CTNNA3: variants seen among roughly 807,000 people sequenced by gnomAD.
The protein encoded by CTNNA3 is catenin alpha-3.
Under a neutral mutation model 95.7 loss-of-function variants are expected in CTNNA3, and 76 were observed. The ratio of observed to expected loss-of-function variants is 0.79; its 90% CI spans 0.66 to 0.96. The LOEUF is 0.96. Ranked by LOEUF, CTNNA3 falls within the 40% of genes least tolerant of loss-of-function variation. The pLI is 0.00. For missense variants in CTNNA3, 1,191 were observed against 1,089.8 expected, an observed-to-expected ratio of 1.09 and a Z score of -1.31; for synonymous variants, 431 against 374.4, an observed-to-expected ratio of 1.15 and a Z score of -1.74.
At chr10:66,698,614 C>T (rs773932134) in intron 9 of CTNNA3, among the ~76,000 whole-genome samples, 2 of 152,088 alleles carry the variant, frequency 1.3e-5, no homozygotes, top group East Asian at 1.9e-4. Context: ...TAGAAGAAAT[C>T]GTCCAGAAAT....
chr10:66,388,884 T>G (rs1736292067), intron 11 of CTNNA3, among the ~76,000 whole-genome samples: 1 of 152,130 alleles, frequency 6.6e-6, no homozygotes, highest in Non-Finnish European at 1.5e-5. Flanking sequence ...ACTATTTGCA[T>G]GAAGCTCTAA....
chr10:66,494,800 G>A (rs937904626), intron 11 of CTNNA3, among the ~76,000 whole-genome samples: 2 of 152,178 alleles, frequency 1.3e-5, no homozygotes, highest in East Asian at 3.8e-4. Flanking sequence ...ACTCTGTTAT[G>A]CACTTTCACA....
chr10:67,453,852 T>C (rs1847077813), intron 5 of CTNNA3, among the ~76,000 whole-genome samples: 2 of 152,148 alleles, frequency 1.3e-5, no homozygotes, highest in South Asian at 4.1e-4. Flanking sequence ...ATCCCCTAAA[T>C]GCAAAAGTGA....
intron 7 of CTNNA3, among the ~76,000 whole-genome samples, chr10:66,806,323 C>T (rs1328893660): frequency 1.4e-5 from 2 of 144,176 alleles, no homozygotes; most frequent in African/African-American, 5.1e-5. Flanking sequence ...GGCAAAAATC[C>T]TAAGAGGTAG....
chr10:66,515,265 A>ATATCTATCTATCTATCTATC lies in CTNNA3; in HGVS notation c.1531+5332_1531+5351dup, dbSNP rs10606169. ...AATCTGTTTTGGACCCTTATTCCCT[A>ATATCTATCTATCTATCTATC]TATCTATCTATCTATCTATCTATCT... On this transcript the variant is annotated intron_variant, in intron 11 of 17. Coordinates refer to ENST00000433211, the MANE Select transcript of CTNNA3 (RefSeq NM_013266.4). Among the ~76,000 whole-genome samples the ATATCTATCTATCTATCTATC allele has an allele frequency of 5.9e-3, 856 of 146,004 alleles. 8 individuals carry two copies. Among genetic ancestry groups the ATATCTATCTATCTATCTATC allele is most frequent in the African/African-American group, 9.6e-3 (376 of 39,200 alleles).
At chr10:66,889,893 C>G (rs543809300) in intron 7 of CTNNA3, among the ~76,000 whole-genome samples, 4 of 151,260 alleles carry the variant, frequency 2.6e-5, no homozygotes, top group Admixed American at 6.6e-5. Flanking sequence ...GGGGTTCCAG[C>G]GATTCTCCTG....
intron 7 of CTNNA3, among the ~76,000 whole-genome samples, chr10:66,970,415 T>C (rs1849651196): frequency 6.7e-6 from 1 of 150,124 alleles, no homozygotes; most frequent in Non-Finnish European, 1.5e-5. Context: ...ATTCTTTCCT[T>C]CCCAGACAGT....
chr10:67,247,886 A>G (rs946943272), intron 5 of CTNNA3, among the ~76,000 whole-genome samples: 24 of 152,214 alleles, frequency 1.6e-4, no homozygotes, highest in Admixed American at 1.3e-3. Flanking sequence ...AACCTACTAC[A>G]AAACTATAAG....
intron 7 of CTNNA3, among the ~76,000 whole-genome samples, chr10:66,930,332 T>A (rs927454786): frequency 2.6e-5 from 4 of 152,218 alleles, no homozygotes; most frequent in African/African-American, 9.6e-5. Context: ...ATATTTCCAA[T>A]GGATTAATAA....
chr10:66,065,404 T>A (rs1354602473), intron 15 of CTNNA3, among the ~76,000 whole-genome samples: 2 of 152,122 alleles, frequency 1.3e-5, no homozygotes, highest in Non-Finnish European at 2.9e-5. Flanking sequence ...CTTGTCATGA[T>A]CATTAGTCTC....
intron 5 of CTNNA3, among the ~76,000 whole-genome samples, chr10:67,233,355 T>A (rs12777373): frequency 5.6e-5 from 8 of 142,626 alleles, no homozygotes; most frequent in African/African-American, 1.6e-4. Flanking sequence ...GGATTAAGAA[T>A]CTCACTCAAA....
At position 67,739,516 on chromosome 10, in the gene CTNNA3, GACAA is replaced by G. The variant is rs1261708655; in HGVS notation, c.-2+23914_-2+23917del. On this transcript the variant is annotated intron_variant, in intron 1 of 17. Coordinates refer to the CTNNA3 transcript ENST00000684154. ...CAAGCATTCTTATACACCAATAACA[GACAA>G]ACAGAGAGCCAAATCATGAGTGAAC... Among the ~76,000 whole-genome samples, 52 of 151,962 alleles carry G rather than the reference GACAA, an allele frequency of 3.4e-4. 2 individuals are homozygous for G. In the South Asian group the frequency reaches 7.7e-3, roughly 22 times the overall value.
chr10:66,453,402 C>T (rs1466485462), intron 11 of CTNNA3, among the ~76,000 whole-genome samples: 1 of 152,220 alleles, frequency 6.6e-6, no homozygotes, highest in East Asian at 1.9e-4. Flanking sequence ...TACACTGCCA[C>T]TTGGCATCAG....
chr10:67,368,267 T>A (rs1272131829), intron 5 of CTNNA3, among the ~76,000 whole-genome samples: 2 of 152,166 alleles, frequency 1.3e-5, no homozygotes, highest in East Asian at 3.9e-4. Context: ...ATGTTTAACA[T>A]CATTAGTTAT....
chr10:67,066,195 C>CCTTT (rs1856066295), intron 7 of CTNNA3, among the ~76,000 whole-genome samples: 1 of 123,076 alleles, frequency 8.1e-6, no homozygotes. Context: ...AAGTCACTGG[C>CCTTT]TTTTTTTTTT....
chr10:66,201,431 T>C (rs775810731), intron 13 of CTNNA3, among the ~76,000 whole-genome samples: 11 of 152,330 alleles, frequency 7.2e-5, no homozygotes, highest in Admixed American at 1.3e-4. Flanking sequence ...AACCAGAGTT[T>C]CATTAGCAAT....
At chr10:66,941,694 C>A (rs1391788635) in intron 7 of CTNNA3, among the ~76,000 whole-genome samples, 1 of 152,192 alleles carries the variant, frequency 6.6e-6, no homozygotes. Context: ...CTAACAGCTG[C>A]AGCCTTGACC....
chr10:67,101,132 T>C (rs1393484482), intron 7 of CTNNA3, among the ~76,000 whole-genome samples: 1 of 151,698 alleles, frequency 6.6e-6, no homozygotes, highest in African/African-American at 2.4e-5. Flanking sequence ...ACAAGTTCGT[T>C]TGTGAATGTG....
At chr10:67,150,258 A>C (rs1861030197) in intron 7 of CTNNA3, among the ~76,000 whole-genome samples, 1 of 152,148 alleles carries the variant, frequency 6.6e-6, no homozygotes, top group African/African-American at 2.4e-5. Flanking sequence ...TTGATTTGCA[A>C]ACATCACATA....
Sources: allele counts gnomAD v4.1 joint callset (sites outside exome capture counted in the v4.1 genomes callset), GRCh38; gene constraint gnomAD v4.1.1; transcripts MANE v1.5; gene names NCBI Gene and HGNC (gene_info 2026-07-23, HGNC 2026-07-21).